RPRD1A: variants seen among roughly 807,000 people sequenced by gnomAD.
The protein encoded by RPRD1A is regulation of nuclear pre-mRNA domain-containing protein 1A.
In RPRD1A, 9 loss-of-function variants were observed where a neutral mutation model predicts 37.8. The observed-to-expected ratio is 0.24, with a 90% confidence interval of 0.14 to 0.42. The LOEUF (loss-of-function observed/expected upper bound fraction) is 0.42. Among genes scored for constraint, RPRD1A ranks in the 10% least tolerant of loss-of-function variants. RPRD1A has a pLI of 1.00. For synonymous variants in RPRD1A, 138 were observed against 139.7 expected (o/e 0.99, Z 0.08); for missense variants, 255 against 371.0 (o/e 0.69, Z 2.57).
intron 1 of RPRD1A, among the ~76,000 whole-genome samples, chr18:36,047,785 A>T (rs533536555): frequency 2.6e-5 from 4 of 152,362 alleles, no homozygotes; most frequent in Non-Finnish European, 2.9e-5. Flanking sequence ...TATGAAACAG[A>T]TAATTTGAAT....
At chr18:36,032,270 A>C (rs1232653987) in intron 2 of RPRD1A, among the ~76,000 whole-genome samples, 4 of 152,174 alleles carry the variant, frequency 2.6e-5, no homozygotes, top group Admixed American at 2.6e-4. Context: ...TGTCTTGGTC[A>C]CTACTACTCA....
At chr18:36,014,548 C>T (rs1910379104) in intron 6 of RPRD1A, among the ~76,000 whole-genome samples, 1 of 152,144 alleles carries the variant, frequency 6.6e-6, no homozygotes, top group African/African-American at 2.4e-5. Flanking sequence ...ACCATCCTGG[C>T]TAACACACGG....
At chr18:36,012,723 C>T (rs1036270551) in intron 6 of RPRD1A, among the ~76,000 whole-genome samples, 7 of 152,212 alleles carry the variant, frequency 4.6e-5, no homozygotes, top group Non-Finnish European at 7.3e-5. Context: ...TTCAGGCATT[C>T]ACTATGGGTC....
chr18:35,994,007 A>G (rs897531336), intron 6 of RPRD1A, among the ~76,000 whole-genome samples: 3 of 152,200 alleles, frequency 2.0e-5, no homozygotes, highest in Admixed American at 1.3e-4. Context: ...AGGTGGCTCC[A>G]CAGCAGAAGA....
rs1004111369 is a variant in RPRD1A, at chr18:35,992,386, C to G, written c.*765G>C. The G allele has an allele frequency of 1.3e-5, 2 of 152,116 alleles. No individual in the cohort carries two copies. Among genetic ancestry groups the G allele is most frequent in the Non-Finnish European group, 2.9e-5 (2 of 68,006 alleles). 9.4% of individuals were successfully genotyped at this position (152,116 alleles called of 1,614,324 possible). On this transcript the variant is annotated 3_prime_UTR_variant, in exon 7 of 7. Coordinates refer to ENST00000399022, the MANE Select transcript of RPRD1A (RefSeq NM_018170.5). ...GACAAATAGAAACCAGTTCCAGAAC[C>G]AAAGTTGTCCTCTTGGTAGAATGTC...
At chr18:36,032,893 G>A (rs1911900525) in intron 2 of RPRD1A, among the ~76,000 whole-genome samples, 1 of 152,060 alleles carries the variant, frequency 6.6e-6, no homozygotes, top group Non-Finnish European at 1.5e-5. Flanking sequence ...AAAGGCAATT[G>A]GGCACACAGG....
chr18:36,024,193 C>G (rs959172545), intron 6 of RPRD1A, among the ~76,000 whole-genome samples: 3 of 151,914 alleles, frequency 2.0e-5, no homozygotes, highest in African/African-American at 7.3e-5. Context: ...GTCGCCCAGT[C>G]TGGAGGGCAG....
chr18:36,065,459 TTTG>T (rs1852173392), intron 1 of RPRD1A, among the ~76,000 whole-genome samples: 2 of 152,214 alleles, frequency 1.3e-5, no homozygotes, highest in Admixed American at 1.3e-4. Flanking sequence ...GAATGGTTTT[TTTG>T]TTTTCTTATT....
chr18:36,024,916 G>A (rs547281474), intron 6 of RPRD1A: 1 of 152,244 alleles, frequency 6.6e-6, no homozygotes, highest in East Asian at 1.9e-4. Context: ...GTTTATTTCT[G>A]TACTTGTAAA....
At chr18:36,024,999 T>C (rs1911261188) in intron 6 of RPRD1A, 1 of 152,220 alleles carries the variant, frequency 6.6e-6, no homozygotes, top group African/African-American at 2.4e-5. Context: ...AATCCAGTTA[T>C]GCAGAAGAAC....
intron 6 of RPRD1A, among the ~76,000 whole-genome samples, chr18:35,995,252 C>CT (rs1208993246): frequency 1.4e-5 from 2 of 140,374 alleles, no homozygotes; most frequent in African/African-American, 2.6e-5. Context: ...AATTTTTTTG[C>CT]TTTTTTTCGT....
intron 6 of RPRD1A, among the ~76,000 whole-genome samples, chr18:36,017,658 A>G (rs1012147605): frequency 3.9e-5 from 6 of 152,226 alleles, no homozygotes; most frequent in Non-Finnish European, 8.8e-5. Context: ...GCCTATATGC[A>G]TCATTGTTTT....
rs556248487 is a variant in RPRD1A at position 36,015,634 on chromosome 18, G to A, written c.789+11266C>T. 1.2e-4 allele frequency among the ~76,000 whole-genome samples: 18 copies of A among 152,218 alleles called. No individual in the cohort carries two copies. In the East Asian group the frequency reaches 2.9e-3, roughly 24 times the overall value. ...GTATACATTCAATGGATTACTATTC[G>A]GCCTTAAAAAGGAAGGAAATTCTGA... On this transcript the variant is annotated intron_variant, in intron 6 of 6. Coordinates refer to ENST00000399022, the MANE Select transcript of RPRD1A (RefSeq NM_018170.5).
chr18:35,997,135 A>C (rs78827352), intron 6 of RPRD1A, among the ~76,000 whole-genome samples: 1,577 of 152,282 alleles, frequency 0.01, 12 homozygotes, highest in South Asian at 0.02. Flanking sequence ...AGCCAAATAC[A>C]GTACAAATTC....
chr18:36,045,848 GAC>G (rs927132741), intron 1 of RPRD1A, among the ~76,000 whole-genome samples: 8 of 152,278 alleles, frequency 5.3e-5, no homozygotes, highest in Admixed American at 4.6e-4. Context: ...AAATCCATGT[GAC>G]ACAGTCTTCT....
At chr18:36,053,722 C>T (rs1242163785) in intron 1 of RPRD1A, among the ~76,000 whole-genome samples, 1 of 151,484 alleles carries the variant, frequency 6.6e-6, no homozygotes, top group Admixed American at 6.6e-5. Context: ...TCTATGTTAA[C>T]ATGAGTAAGG....
Position 36,031,084 on chromosome 18 carries a change from T to C in RPRD1A, c.295A>G (p.Ser99Gly), listed in dbSNP as rs762363915. ...FKHVSSETDE[S>G]CKKHLGRVLS... is the part of the protein sequence containing the mutation. ...ACTCTTCCAAGGTGCTTCTTACAACTTTCATCAGTTTCACTAAAAAAAAAA... is the reference window on the plus strand; with the variant it reads ...ACTCTTCCAAGGTGCTTCTTACAACCTTCATCAGTTTCACTAAAAAAAAAA... Residue 99 changes from serine (S) to glycine (G), a missense_variant, in exon 3 of 7, where the codon AGT (serine) becomes GGT (glycine). Physicochemically the swap from Ser to Gly is moderately conservative, Grantham distance 56. This residue lies in a region of RPRD1A where 211 missense variants were observed against 268.9 expected (regional missense o/e 0.78). Transcript: ENST00000399022. 1.3e-6 allele frequency: 2 copies of C among 1,550,038 alleles called. No homozygotes were observed. The highest frequency in any genetic ancestry group is 1.7e-6 in the Non-Finnish European group (2 of 1,159,002).
intron 6 of RPRD1A, among the ~76,000 whole-genome samples, chr18:35,996,600 T>C (rs1909076261): frequency 6.6e-6 from 1 of 152,206 alleles, no homozygotes; most frequent in Non-Finnish European, 1.5e-5. Context: ...ATACGACATT[T>C]GCTATTCAAA....
intron 6 of RPRD1A, among the ~76,000 whole-genome samples, chr18:36,019,612 C>A (rs1160771816): frequency 1.3e-5 from 2 of 152,136 alleles, no homozygotes; most frequent in East Asian, 3.9e-4. Flanking sequence ...CATAAAAAGT[C>A]TTCCATTTAT....
Sources: gnomAD v4.1 joint callset for allele counts (sites outside exome capture counted in the v4.1 genomes callset) on GRCh38, gnomAD v4.1.1 for gene constraint, gnomAD v4.1.1 regional missense constraint, MANE v1.5 for transcripts, NCBI Gene and HGNC (gene_info 2026-07-23, HGNC 2026-07-21) for gene names.